RAB3C: variants seen among roughly 807,000 people sequenced by gnomAD.
RAB3C encodes ras-related protein Rab-3C.
A neutral mutation model predicts 26.4 loss-of-function variants in RAB3C; 17 were observed. That is an observed-to-expected ratio of 0.64 (90% CI 0.44 to 0.97). The LOEUF (loss-of-function observed/expected upper bound fraction) is 0.97, where lower values mean the gene tolerates loss of function less well. Ranked by LOEUF, RAB3C falls within the 50% of genes least tolerant of loss-of-function variation. The pLI is 0.00. For missense variants in RAB3C, 242 were observed against 281.9 expected, an observed-to-expected ratio of 0.86 and a Z score of 1.01; for synonymous variants, 91 against 95.9, an observed-to-expected ratio of 0.95 and a Z score of 0.30.
chr5:58,651,450 A>G (rs899240664), intron 2 of RAB3C, among the ~76,000 whole-genome samples: 31 of 152,210 alleles, frequency 2.0e-4, no homozygotes, highest in Non-Finnish European at 4.0e-4. Flanking sequence ...ACGAGATAAT[A>G]CATTAGCATG....
chr5:58,607,389 G>A (rs535798526), intron 1 of RAB3C, among the ~76,000 whole-genome samples: 2 of 152,232 alleles, frequency 1.3e-5, no homozygotes, highest in African/African-American at 2.4e-5. Flanking sequence ...AATGAACAAA[G>A]CCTCCAAGAA....
At chr5:58,779,940 C>G (rs1742236290) in intron 3 of RAB3C, among the ~76,000 whole-genome samples, 1 of 152,068 alleles carries the variant, frequency 6.6e-6, no homozygotes, top group African/African-American at 2.4e-5. Flanking sequence ...AGAGGCTCAC[C>G]TGGGAGCATT....
At chr5:58,797,339 C>CAAAAAAA (rs1206716376) in intron 3 of RAB3C, among the ~76,000 whole-genome samples, 8 of 12,692 alleles carry the variant, frequency 6.3e-4, no homozygotes, top group Non-Finnish European at 9.8e-4. Context: ...CCCTGGAAGA[C>CAAAAAAA]AAAAAAAAAA....
chr5:58,635,762 T>C (rs568994257), intron 2 of RAB3C, among the ~76,000 whole-genome samples: 83 of 152,296 alleles, frequency 5.4e-4, no homozygotes, highest in Admixed American at 5.0e-3. Flanking sequence ...AATACTGTTC[T>C]GTCACAGTTT....
chr5:58,813,778 A>AGATATT (rs1219846087), intron 3 of RAB3C, among the ~76,000 whole-genome samples: 5 of 151,960 alleles, frequency 3.3e-5, no homozygotes, highest in Admixed American at 1.3e-4. Context: ...ATATTCAGTG[A>AGATATT]ATGCACACAT....
chr5:58,712,054 A>G (rs1749071748), intron 2 of RAB3C, among the ~76,000 whole-genome samples: 1 of 152,266 alleles, frequency 6.6e-6, no homozygotes. Context: ...GTGGTAACAA[A>G]CACCCCTCAG....
intron 3 of RAB3C, among the ~76,000 whole-genome samples, chr5:58,772,773 T>A (rs1436495318): frequency 3.1e-4 from 47 of 152,206 alleles, no homozygotes; most frequent in Non-Finnish European, 1.5e-5. Context: ...AGCATTCATA[T>A]GCCAAAAATC....
intron 3 of RAB3C, among the ~76,000 whole-genome samples, chr5:58,761,059 T>TCACACA (rs777146349): frequency 2.8e-3 from 191 of 68,640 alleles, no homozygotes; most frequent in African/African-American, 6.5e-3. Flanking sequence ...CCTCTCTCTC[T>TCACACA]CTCTCACACA....
chr5:58,838,366 G>A (rs1212347463), intron 4 of RAB3C, among the ~76,000 whole-genome samples: 8 of 137,416 alleles, frequency 5.8e-5, no homozygotes, highest in South Asian at 4.9e-4. Flanking sequence ...GGGACAGAGT[G>A]AGACTCCCTC....
chr5:58,753,239 T>C (rs1366996964), intron 3 of RAB3C, among the ~76,000 whole-genome samples: 2 of 152,192 alleles, frequency 1.3e-5, no homozygotes, highest in African/African-American at 4.8e-5. Flanking sequence ...ATTATCAGCT[T>C]GATCTTTCTC....
intron 2 of RAB3C, among the ~76,000 whole-genome samples, chr5:58,623,410 G>A (rs970059104): frequency 5.3e-5 from 8 of 152,222 alleles, no homozygotes; most frequent in Non-Finnish European, 1.0e-4. Flanking sequence ...GCCCAGGCAA[G>A]CTTCTTAAGA....
intron 3 of RAB3C, among the ~76,000 whole-genome samples, chr5:58,794,821 A>G (rs1007235547): frequency 2.6e-5 from 4 of 152,196 alleles, no homozygotes; most frequent in Admixed American, 2.6e-4. Flanking sequence ...TGATGTATGG[A>G]TGTATCACCA....
At chr5:58,824,220 T>C (rs1332416244) in intron 3 of RAB3C, among the ~76,000 whole-genome samples, 2 of 152,122 alleles carry the variant, frequency 1.3e-5, no homozygotes, top group African/African-American at 4.8e-5. Context: ...GCATGATTTA[T>C]AGTCCTTTGG....
intron 2 of RAB3C, among the ~76,000 whole-genome samples, chr5:58,711,783 A>G (rs1319800796): frequency 6.6e-6 from 1 of 152,040 alleles, no homozygotes; most frequent in Non-Finnish European, 1.5e-5. Flanking sequence ...CAGATTGTGG[A>G]TCCTCCTCTG....
intron 3 of RAB3C, among the ~76,000 whole-genome samples, chr5:58,788,980 G>T (rs1466636709): frequency 2.6e-5 from 4 of 152,120 alleles, no homozygotes; most frequent in African/African-American, 7.2e-5. Context: ...AAAAATAGAG[G>T]CTAGCTTTAG....
intron 2 of RAB3C, among the ~76,000 whole-genome samples, chr5:58,724,678 T>G (rs530143216): frequency 5.8e-4 from 88 of 151,840 alleles, no homozygotes; most frequent in African/African-American, 1.8e-3. Context: ...GAGCGGGTTC[T>G]TTACCAAAAA....
chr5:58,678,342 A>C (rs1188407136), intron 2 of RAB3C, among the ~76,000 whole-genome samples: 2 of 152,156 alleles, frequency 1.3e-5, no homozygotes, highest in African/African-American at 4.8e-5. Flanking sequence ...CAAATAGCTG[A>C]AATTTTTACA....
At chr5:58,586,302 G>A (rs1317772689) in intron 1 of RAB3C, among the ~76,000 whole-genome samples, 1 of 151,990 alleles carries the variant, frequency 6.6e-6, no homozygotes, top group East Asian at 1.9e-4. Context: ...CTAGGATAGA[G>A]TAAAATTTCC....
At chr5:58,643,763 C>T (rs542238550) in intron 2 of RAB3C, among the ~76,000 whole-genome samples, 2 of 152,328 alleles carry the variant, frequency 1.3e-5, no homozygotes, top group African/African-American at 4.8e-5. Context: ...CTAATGAGGA[C>T]ATCACTGATT....
Sources: gnomAD v4.1 joint callset for allele counts (sites outside exome capture counted in the v4.1 genomes callset) on GRCh38, gnomAD v4.1.1 for gene constraint, MANE v1.5 for transcripts, NCBI Gene and HGNC (gene_info 2026-07-23, HGNC 2026-07-21) for gene names.